The following PKHD1 variants were observed in gnomAD, a reference collection of about 807,000 sequenced individuals.
PKHD1 encodes PKHD1 ciliary IPT domain containing fibrocystin/polyductin, also known as fibrocystin.
In PKHD1, 291 loss-of-function variants were observed where a neutral mutation model predicts 412.0. That is an observed-to-expected ratio of 0.71 (90% confidence interval 0.64 to 0.78). The LOEUF (loss-of-function observed/expected upper bound fraction) is 0.78, where lower values mean the gene tolerates loss of function less well. PKHD1 is among the 30% of genes least tolerant of loss of function. PKHD1 has a pLI of 0.00. For missense variants in PKHD1, 4,825 were observed against 4,950.7 expected (o/e 0.97, Z 0.76); for synonymous variants, 1,777 against 1,821.5 (o/e 0.98, Z 0.62).
At chr6:51,622,031 CCT>C (rs1037932481) in intron 66 of PKHD1, 8 of 152,164 alleles carry the variant, frequency 5.3e-5, no homozygotes, top group African/African-American at 1.9e-4. Flanking sequence ...TTCCTCCATG[CCT>C]CTTAGAATCC....
chr6:51,680,274 G>A (rs1045951178), intron 60 of PKHD1, among the ~76,000 whole-genome samples: 7 of 151,866 alleles, frequency 4.6e-5, no homozygotes, highest in African/African-American at 1.7e-4. Flanking sequence ...ATCATAATAG[G>A]AGCTTCATGT....
intron 53 of PKHD1, among the ~76,000 whole-genome samples, chr6:51,780,589 C>T (rs1458078402): frequency 6.6e-6 from 1 of 151,918 alleles, no homozygotes; most frequent in Non-Finnish European, 1.5e-5. Flanking sequence ...ATAATAAATA[C>T]ATTCTACTAT....
At chr6:51,941,235 CCTTTTTT>C (rs1727991691) in intron 36 of PKHD1, among the ~76,000 whole-genome samples, 3 of 123,842 alleles carry the variant, frequency 2.4e-5, no homozygotes, top group Admixed American at 9.4e-5. Context: ...TACAGCATGG[CCTTTTTT>C]TTTTTTTTTT....
chr6:51,855,250 T>C (rs974750882), intron 49 of PKHD1, among the ~76,000 whole-genome samples: 1 of 152,212 alleles, frequency 6.6e-6, no homozygotes, highest in Non-Finnish European at 1.5e-5. Flanking sequence ...TCTAGTCAAT[T>C]TTGATAAGAG....
At position 52,025,740 on chromosome 6, in the gene PKHD1, T is replaced by G; in HGVS notation, c.4070A>C (p.His1357Pro). Residue 1357 changes from histidine (H) to proline (P), a missense_variant, in exon 32 of 67, where the codon CAC becomes CCC. Coordinates refer to ENST00000371117, the MANE Select transcript of PKHD1 (RefSeq NM_138694.4). Reference sequence around the variant, plus strand: ...AGGATAGATGCCAGCCTCCAGACTGTGAAGAGGGATGGAGCATCCAGACAG... The same window carrying G: ...AGGATAGATGCCAGCCTCCAGACTGGGAAGAGGGATGGAGCATCCAGACAG... Reference protein sequence around the residue: ...VSLSGCSIPLHSLEAGIYPLQ... With the variant: ...VSLSGCSIPLPSLEAGIYPLQ... The G allele has an allele frequency of 1.9e-6, 3 of 1,614,098 alleles. No homozygotes were observed. The highest frequency in any genetic ancestry group is 2.5e-6 in the Non-Finnish European group (3 of 1,179,992).
rs184069128 is a variant in PKHD1 at position 51,873,387 on chromosome 6, A to G, written c.7351-2748T>C. ...GGCTAGGGCGTGCGGAGTGGGGTTG[A>G]ATGGGGGGACAAGAAGAGGCTTTAG... is the stretch of plus-strand genomic sequence containing the variant. On this transcript the variant is annotated intron_variant, in intron 46 of 66. Coordinates refer to ENST00000371117, the MANE Select transcript of PKHD1 (RefSeq NM_138694.4). Among the ~76,000 whole-genome samples the G allele has an allele frequency of 2.6e-5, 4 of 152,278 alleles. No homozygotes were observed. In the East Asian group the frequency reaches 7.7e-4, roughly 29 times the overall value.
intron 27 of PKHD1, among the ~76,000 whole-genome samples, chr6:52,041,488 A>G (rs2128179696): frequency 6.6e-6 from 1 of 152,308 alleles, no homozygotes; most frequent in East Asian, 1.9e-4. Context: ...GTGTTGAGTG[A>G]GTGAGTACTG....
At chr6:52,079,340 G>C (rs79517726) in intron 5 of PKHD1, among the ~76,000 whole-genome samples, 1,705 of 152,234 alleles carry the variant, frequency 0.011, 26 homozygotes, top group African/African-American at 0.039. Flanking sequence ...TGCCCTTTTG[G>C]TTCAGTGTTG....
intron 61 of PKHD1, among the ~76,000 whole-genome samples, chr6:51,658,119 C>T (rs1342533987): frequency 6.6e-6 from 1 of 152,002 alleles, no homozygotes; most frequent in Non-Finnish European, 1.5e-5. Flanking sequence ...AATAATGTCA[C>T]TAACATGGTG....
chr6:51,988,884 A>G (rs921914979), intron 35 of PKHD1, among the ~76,000 whole-genome samples: 1 of 152,200 alleles, frequency 6.6e-6, no homozygotes, highest in Admixed American at 6.5e-5. Context: ...AGAGGAAGAG[A>G]TGACAAGACA....
At chr6:51,982,481 C>G (rs1371565963) in intron 35 of PKHD1, among the ~76,000 whole-genome samples, 1 of 136,300 alleles carries the variant, frequency 7.3e-6, no homozygotes, top group Non-Finnish European at 1.6e-5. Flanking sequence ...ATTCTTCTGC[C>G]TTGGGATCCT....
chr6:51,724,103 T>A (rs1344520439), intron 60 of PKHD1, among the ~76,000 whole-genome samples: 1 of 152,214 alleles, frequency 6.6e-6, no homozygotes, highest in Non-Finnish European at 1.5e-5. Flanking sequence ...AATTGTCATA[T>A]GCCCACAAAA....
intron 29 of PKHD1, 131 bp downstream of exon 29, chr6:52,032,899 A>G (rs929673731): frequency 1.2e-6 from 1 of 818,870 alleles, no homozygotes; most frequent in African/African-American, 1.7e-5. Flanking sequence ...CTAAGATGAA[A>G]AAAGCAATCT....
intron 29 of PKHD1, among the ~76,000 whole-genome samples, chr6:52,029,229 G>GAA (rs77640449): frequency 8.0e-5 from 12 of 150,790 alleles, no homozygotes; most frequent in East Asian, 5.8e-4. Flanking sequence ...TACTAAAAAA[G>GAA]AAAAAAAAAG....
chr6:52,064,234 G>A (rs1248034829), intron 13 of PKHD1, among the ~76,000 whole-genome samples: 6 of 152,264 alleles, frequency 3.9e-5, no homozygotes, highest in Admixed American at 3.9e-4. Flanking sequence ...GGGCACAGAT[G>A]TGCAGCCTGT....
chr6:51,680,810 T>C (rs1290860921), intron 60 of PKHD1, among the ~76,000 whole-genome samples: 1 of 152,014 alleles, frequency 6.6e-6, no homozygotes, highest in Non-Finnish European at 1.5e-5. Flanking sequence ...CAAATTAAAC[T>C]ATTGTAAAGA....
At chr6:51,766,855 A>T (rs1290740539) in intron 55 of PKHD1, among the ~76,000 whole-genome samples, 3 of 152,030 alleles carry the variant, frequency 2.0e-5, no homozygotes, top group African/African-American at 7.2e-5. Flanking sequence ...ATGCAGAAAT[A>T]TTGACCTTGT....
At chr6:51,786,641 C>T (rs1026292809) in intron 53 of PKHD1, among the ~76,000 whole-genome samples, 1 of 152,146 alleles carries the variant, frequency 6.6e-6, no homozygotes, top group South Asian at 2.1e-4. Flanking sequence ...AAATATGTAC[C>T]TGTTCACATC....
chr6:51,650,647 A>G (rs1282157194), intron 61 of PKHD1, among the ~76,000 whole-genome samples: 1 of 152,144 alleles, frequency 6.6e-6, no homozygotes, highest in Non-Finnish European at 1.5e-5. Flanking sequence ...ACAATGGATC[A>G]CTAAATATGA....
Sources: allele counts gnomAD v4.1 joint callset (sites outside exome capture counted in the v4.1 genomes callset), GRCh38; gene constraint gnomAD v4.1.1; transcripts MANE v1.5; gene names NCBI Gene and HGNC (gene_info 2026-07-23, HGNC 2026-07-21).